GSPT2: variants seen among roughly 807,000 people sequenced by gnomAD.
The protein encoded by GSPT2 is eukaryotic peptide chain release factor GTP-binding subunit ERF3B.
In GSPT2, 2 loss-of-function variants were observed where a neutral mutation model predicts 24.6. The observed-to-expected ratio is 0.08, with a 90% CI of 0.03 to 0.26. The LOEUF (loss-of-function observed/expected upper bound fraction) is 0.26. Ranked by LOEUF, GSPT2 falls within the 10% of genes least tolerant of loss-of-function variation. The pLI is 1.00. For missense variants in GSPT2, 322 were observed against 489.6 expected, an observed-to-expected ratio of 0.66 and a Z score of 3.23; for synonymous variants, 194 against 189.3, an observed-to-expected ratio of 1.02 and a Z score of -0.20.
chrX:51,745,730 C>T lies in GSPT2; in HGVS notation c.*217C>T. ...AGTTTCCTTCCTCTGTACCACTCTG[C>T]TTCCTTGGACAATATCAGTAATAGC... is the stretch of plus-strand genomic sequence containing the variant. On this transcript the variant is annotated 3_prime_UTR_variant, in exon 1 of 1. Transcript: ENST00000340438. 2.5e-6 allele frequency: 1 copy of T among 400,086 alleles called. No homozygotes were observed. The highest frequency in any genetic ancestry group is 4.1e-5 in the East Asian group (1 of 24,216). 33.0% of individuals were successfully genotyped at this position (400,086 alleles called of 1,213,427 possible).
Position 51,745,861 on chromosome X carries a change from C to G in GSPT2, c.*348C>G, listed in dbSNP as rs1172750568. Reference sequence around the variant, plus strand: ...TAGACCACCCTTGTTCCACGCAAACCAGAGTGTGTCAGTGTTTGTGTGTGT... The same window carrying G: ...TAGACCACCCTTGTTCCACGCAAACGAGAGTGTGTCAGTGTTTGTGTGTGT... On this transcript the variant is annotated 3_prime_UTR_variant, in exon 1 of 1. Coordinates refer to ENST00000340438, the MANE Select transcript of GSPT2 (RefSeq NM_018094.5). 3 of 176,543 alleles carry G rather than the reference C, an allele frequency of 1.7e-5. No individual in the cohort carries two copies. The highest frequency in any genetic ancestry group is 9.3e-5 in the African/African-American group (3 of 32,414). The allele number at this position is 176,543 out of a possible 1,213,427, so 14.5% of individuals were successfully genotyped here.
rs1557348971 is a variant in GSPT2, at chrX:51,745,086, C to G, written c.1460C>G (p.Pro487Arg). Residue 487 changes from proline to arginine, a missense_variant, in exon 1 of 1, where the codon CCA becomes CGA. Around this residue, in one of 4 missense-constraint regions of GSPT2, gnomAD observed 117 missense variants for 204.1 expected, o/e 0.57. Coordinates refer to ENST00000340438, the MANE Select transcript of GSPT2 (RefSeq NM_018094.5). ...GATACTGAAACTGATTTTGTAGCCCCAGGTGAAAACCTCAAAATCAGACTG... is the reference window on the plus strand; with the variant it reads ...GATACTGAAACTGATTTTGTAGCCCGAGGTGAAAACCTCAAAATCAGACTG... ...SDDTETDFVA[P>R]GENLKIRLKG... 1 of 1,207,239 alleles carries G rather than the reference C, an allele frequency of 8.3e-7. No individual in the cohort carries two copies. Among genetic ancestry groups the G allele is most frequent in the South Asian group, 1.8e-5 (1 of 56,854 alleles).
chrX:51,744,511 C>T lies in GSPT2; in HGVS notation c.885C>T (p.Val295=), dbSNP rs782238668. 2 of 1,209,485 alleles carry T rather than the reference C, an allele frequency of 1.7e-6. No homozygotes were observed. Among genetic ancestry groups the T allele is most frequent in the Non-Finnish European group, 2.2e-6 (2 of 895,108 alleles). Residue 295 remains valine (V), a synonymous_variant, in exon 1 of 1, where the codon GTC becomes GTT. Transcript: ENST00000340438. ...ILDAPGHKSF[V]PNMIGGASQA... The stretch of plus-strand genomic sequence containing the variant: ...ATGCCCCTGGCCACAAGAGTTTTGT[C>T]CCAAATATGATTGGTGGTGCTTCTC...
Position 51,743,541 on chromosome X carries a change from C to G in GSPT2, c.-86C>G. The G allele has an allele frequency of 1.1e-6, 1 of 874,798 alleles. No individual in the cohort carries two copies. Among genetic ancestry groups the G allele is most frequent in the Non-Finnish European group, 1.6e-6 (1 of 627,380 alleles). 72.1% of individuals were successfully genotyped at this position (874,798 alleles called of 1,213,427 possible). A position where few individuals can be genotyped will look rare whatever the true frequency, so the allele number is the denominator to read the frequency against. On this transcript the variant is annotated 5_prime_UTR_variant, in exon 1 of 1. Coordinates refer to ENST00000340438, the MANE Select transcript of GSPT2 (RefSeq NM_018094.5). ...TGTCGCTACCCCTTGGCCCTTCGCT[C>G]TTGCTGCCTTAACCCCGCCGGCGGA... is the stretch of plus-strand genomic sequence containing the variant.
At position 51,743,484 on chromosome X, in the gene GSPT2, C is replaced by A. The variant is rs1164670051; in HGVS notation, c.-143C>A. ...CGCAGTTGCGAATGCAGCATCGGCGCTTAGCTGCCTCCGCGGTGCAGCTAA... is the reference window on the plus strand; with the variant it reads ...CGCAGTTGCGAATGCAGCATCGGCGATTAGCTGCCTCCGCGGTGCAGCTAA... On this transcript the variant is annotated 5_prime_UTR_variant, in exon 1 of 1. Coordinates refer to ENST00000340438, the MANE Select transcript of GSPT2 (RefSeq NM_018094.5). 2 of 473,221 alleles carry A rather than the reference C, an allele frequency of 4.2e-6. No individual in the cohort carries two copies. The highest frequency in any genetic ancestry group is 7.7e-5 in the East Asian group (2 of 25,877). 39.0% of individuals were successfully genotyped at this position (473,221 alleles called of 1,213,427 possible).
In GSPT2 at chrX:51,743,920, C is replaced by T; in HGVS notation, c.294C>T (p.Tyr98=). The T allele has an allele frequency of 8.3e-7, 1 of 1,205,907 alleles. No homozygotes were observed. Among genetic ancestry groups the T allele is most frequent in the Non-Finnish European group, 1.1e-6 (1 of 892,458 alleles). ...SNDETCTGAG[Y]PQGKRMGRGA... ...ATGAAACCTGCACCGGCGCGGGATA[C>T]CCTCAAGGTAAAAGGATGGGACGGG... The change falls in exon 1 of 1, where the codon TAC becomes TAT. Residue 98 remains tyrosine (Y), a synonymous_variant. Transcript: ENST00000340438.
In GSPT2 at chrX:51,743,529, T is replaced by C; in HGVS notation, c.-98T>C. 1.4e-6 allele frequency: 1 copy of C among 719,225 alleles called. No individual in the cohort carries two copies. Among genetic ancestry groups the C allele is most frequent in the Non-Finnish European group, 2.0e-6 (1 of 491,689 alleles). 59.3% of individuals were successfully genotyped at this position (719,225 alleles called of 1,213,427 possible). On this transcript the variant is annotated 5_prime_UTR_variant, in exon 1 of 1. Coordinates refer to ENST00000340438, the MANE Select transcript of GSPT2 (RefSeq NM_018094.5). ...AGCTAAGGTTCGTGTCGCTACCCCT[T>C]GGCCCTTCGCTCTTGCTGCCTTAAC...
rs1454659015 is a variant in GSPT2, at chrX:51,743,950, A to G, written c.324A>G (p.Ala108=). 1 of 1,204,366 alleles carries G rather than the reference A, an allele frequency of 8.3e-7. No homozygotes were observed. The highest frequency in any genetic ancestry group is 1.7e-5 in the African/African-American group (1 of 57,179). The change falls in exon 1 of 1, where the codon GCA becomes GCG. Residue 108 remains alanine (A), a synonymous_variant. Coordinates refer to ENST00000340438, the MANE Select transcript of GSPT2 (RefSeq NM_018094.5). ...YPQGKRMGRG[A]PVEPSREEPL... ...AAGGTAAAAGGATGGGACGGGGGGC[A>G]CCTGTGGAACCTTCCCGAGAGGAAC...
In GSPT2 at chrX:51,744,328, A is replaced by G; in HGVS notation, c.702A>G (p.Thr234=). 1 of 1,210,399 alleles carries G rather than the reference A, an allele frequency of 8.3e-7. No individual in the cohort carries two copies. The highest frequency in any genetic ancestry group is 1.1e-6 in the Non-Finnish European group (1 of 894,341). The change falls in exon 1 of 1, where the codon ACA becomes ACG. Residue 234 remains threonine, a synonymous_variant. Coordinates refer to ENST00000340438, the MANE Select transcript of GSPT2 (RefSeq NM_018094.5). ...MFLTGMVDKR[T]LEKYEREAKE... ...TGACTGGAATGGTTGACAAAAGAAC[A>G]CTGGAGAAATATGAAAGAGAAGCTA...
chrX:51,745,525 G>T lies in GSPT2; in HGVS notation c.*12G>T. 9.2e-7 allele frequency: 1 copy of T among 1,081,400 alleles called. No individual in the cohort carries two copies. Among genetic ancestry groups the T allele is most frequent in the South Asian group, 1.9e-5 (1 of 52,196 alleles). The allele number at this position is 1,081,400 out of a possible 1,213,427, so 89.1% of individuals were successfully genotyped here. A position where few individuals can be genotyped will look rare whatever the true frequency, so the allele number is the denominator to read the frequency against. On this transcript the variant is annotated 3_prime_UTR_variant, in exon 1 of 1. Transcript: ENST00000340438. ...CAGAGAAGGACTAAGCAATTTTCTT[G>T]ATGCCTCTGCAAGATACTGTGAGGA...
chrX:51,745,235 C>T lies in GSPT2; in HGVS notation c.1609C>T (p.Pro537Ser). The T allele has an allele frequency of 8.3e-7, 1 of 1,209,388 alleles. No individual in the cohort carries two copies. ...TATTGAGCACAAATCCATCATCTGC[C>T]CAGGTTATAATGCGGTGCTGCACAT... The part of the protein sequence containing the change: ...VIIEHKSIIC[P>S]GYNAVLHIHT... Residue 537 changes from proline to serine, a missense_variant, in exon 1 of 1, where the codon CCA becomes TCA. Coordinates refer to ENST00000340438, the MANE Select transcript of GSPT2 (RefSeq NM_018094.5).
At position 51,743,885 on chromosome X, in the gene GSPT2, G is replaced by A. The variant is rs782496161; in HGVS notation, c.259G>A (p.Gly87Ser). ...GCCGCCCACCCTCCCGGCCGGCTCCGGCAGCAACGATGAAACCTGCACCGG... is the reference window on the plus strand; with the variant it reads ...GCCGCCCACCCTCCCGGCCGGCTCCAGCAGCAACGATGAAACCTGCACCGG... ...TQPPTLPAGS[G>S]SNDETCTGAG... Residue 87 changes from glycine to serine, a missense_variant, in exon 1 of 1, where the codon GGC becomes AGC. By Grantham distance (56) the Gly-to-Ser change is moderately conservative. Transcript: ENST00000340438. 4.2e-6 allele frequency: 5 copies of A among 1,203,561 alleles called. No homozygotes were observed. Among genetic ancestry groups the A allele is most frequent in the East Asian group, 3.0e-5 (1 of 33,467 alleles).
rs1569554901 is a variant in GSPT2 at position 51,743,758 on chromosome X, C to T, written c.132C>T (p.Leu44=). Residue 44 remains leucine, a synonymous_variant, in exon 1 of 1, where the codon CTC becomes CTT. Transcript: ENST00000340438. The part of the protein sequence containing the change: ...SAVAEAQREP[L]SSAFSRKLNV... The stretch of plus-strand genomic sequence containing the variant: ...TGGCCGAGGCCCAGCGCGAGCCCCT[C>T]AGCTCGGCTTTCAGCCGTAAGCTCA... 4.1e-6 allele frequency: 5 copies of T among 1,210,274 alleles called. No homozygotes were observed. The highest frequency in any genetic ancestry group is 5.6e-6 in the Non-Finnish European group (5 of 895,092).
chrX:51,745,813 T>A lies in GSPT2; in HGVS notation c.*300T>A, dbSNP rs998217109. On this transcript the variant is annotated 3_prime_UTR_variant, in exon 1 of 1. Transcript: ENST00000340438. ...TAATGAAAAATTAATGTACTTTAAT[T>A]TTTCATTTTCTTTTAGGATATTTAG... The A allele has an allele frequency of 8.0e-6, 2 of 248,582 alleles. No homozygotes were observed. The highest frequency in any genetic ancestry group is 1.5e-5 in the Non-Finnish European group (2 of 134,668). The allele number at this position is 248,582 out of a possible 1,213,427, so 20.5% of individuals were successfully genotyped here. A position where few individuals can be genotyped will look rare whatever the true frequency, so the allele number is the denominator to read the frequency against.
At position 51,743,568 on chromosome X, in the gene GSPT2, C is replaced by A; in HGVS notation, c.-59C>A. ...TGCTGCCTTAACCCCGCCGGCGGAG[C>A]CCGCTCTTCTGGCCTGTTGAGCCCG... On this transcript the variant is annotated 5_prime_UTR_variant, in exon 1 of 1. Transcript: ENST00000340438. 9.5e-7 allele frequency: 1 copy of A among 1,049,055 alleles called. No individual in the cohort carries two copies. The highest frequency in any genetic ancestry group is 1.3e-6 in the Non-Finnish European group (1 of 777,517). The allele number at this position is 1,049,055 out of a possible 1,213,427, so 86.5% of individuals were successfully genotyped here.
chrX:51,745,850 T>A lies in GSPT2; in HGVS notation c.*337T>A, dbSNP rs1373897298. ...TTTAGGATATTTAGACCACCCTTGT[T>A]CCACGCAAACCAGAGTGTGTCAGTG... On this transcript the variant is annotated 3_prime_UTR_variant, in exon 1 of 1. Coordinates refer to ENST00000340438, the MANE Select transcript of GSPT2 (RefSeq NM_018094.5). The A allele has an allele frequency of 5.1e-6, 1 of 194,649 alleles. No individual in the cohort carries two copies. Among genetic ancestry groups the A allele is most frequent in the Admixed American group, 7.1e-5 (1 of 13,990 alleles). The allele number at this position is 194,649 out of a possible 1,213,427, so 16.0% of individuals were successfully genotyped here. A position where few individuals can be genotyped will look rare whatever the true frequency, so the allele number is the denominator to read the frequency against.
rs781881381 is a variant in GSPT2, at chrX:51,744,114, G to T, written c.488G>T (p.Gly163Val). The T allele has an allele frequency of 8.3e-7, 1 of 1,208,017 alleles. No individual in the cohort carries two copies. The highest frequency in any genetic ancestry group is 1.8e-5 in the African/African-American group (1 of 57,136). The change falls in exon 1 of 1, where the codon GGT becomes GTT. Residue 163 changes from glycine (G) to valine (V), a missense_variant. By Grantham distance (109) the Gly-to-Val change is moderately radical. Coordinates refer to ENST00000340438, the MANE Select transcript of GSPT2 (RefSeq NM_018094.5). ...GAAGTAAGTGAAGCCGAGCCTGGGG[G>T]TGGTTCCTCGGGAGATTCAGGGCCC... ...SKEVSEAEPG[G>V]GSSGDSGPPE...
Position 51,743,908 on chromosome X carries a change from C to T in GSPT2, c.282C>T (p.Thr94=). 3 of 1,205,048 alleles carry T rather than the reference C, an allele frequency of 2.5e-6. No homozygotes were observed. The highest frequency in any genetic ancestry group is 3.4e-6 in the Non-Finnish European group (3 of 891,993). Residue 94 remains threonine, a synonymous_variant, in exon 1 of 1, where the codon ACC becomes ACT. Coordinates refer to ENST00000340438, the MANE Select transcript of GSPT2 (RefSeq NM_018094.5). ...CCGGCAGCAACGATGAAACCTGCAC[C>T]GGCGCGGGATACCCTCAAGGTAAAA... ...AGSGSNDETC[T]GAGYPQGKRM...
At position 51,743,487 on chromosome X, in the gene GSPT2, A is replaced by C; in HGVS notation, c.-140A>C. On this transcript the variant is annotated 5_prime_UTR_variant, in exon 1 of 1. Coordinates refer to ENST00000340438, the MANE Select transcript of GSPT2 (RefSeq NM_018094.5). ...AGTTGCGAATGCAGCATCGGCGCTTAGCTGCCTCCGCGGTGCAGCTAAGGT... is the reference window on the plus strand; with the variant it reads ...AGTTGCGAATGCAGCATCGGCGCTTCGCTGCCTCCGCGGTGCAGCTAAGGT... The C allele has an allele frequency of 2.1e-6, 1 of 470,999 alleles. No individual in the cohort carries two copies. Among genetic ancestry groups the C allele is most frequent in the Non-Finnish European group, 3.5e-6 (1 of 288,373 alleles). 38.8% of individuals were successfully genotyped at this position (470,999 alleles called of 1,213,427 possible). A position where few individuals can be genotyped will look rare whatever the true frequency, so the allele number is the denominator to read the frequency against.
Sources: gnomAD v4.1 joint callset for allele counts on GRCh38, gnomAD v4.1.1 for gene constraint, gnomAD v4.1.1 regional missense constraint, MANE v1.5 for transcripts, NCBI Gene and HGNC (gene_info 2026-07-23, HGNC 2026-07-21) for gene names.